MAB21L4: variants seen among roughly 807,000 people sequenced by gnomAD.
MAB21L4 encodes the protein mab-21 like 4.
MAB21L4 carries 25 observed loss-of-function variants against 32.4 expected under a neutral mutation model. That is an observed-to-expected ratio of 0.77 (90% CI 0.56 to 1.08). MAB21L4 has a LOEUF of 1.08. MAB21L4 is among the 50% of genes least tolerant of loss of function. The pLI is 0.00. For missense variants in MAB21L4, 638 were observed against 611.0 expected (o/e 1.04, Z -0.47); for synonymous variants, 280 against 276.8 (o/e 1.01, Z -0.11).
At chr2:240,889,792 C>A (rs1004083974) in intron 3 of MAB21L4, among the ~76,000 whole-genome samples, 1 of 152,222 alleles carries the variant, frequency 6.6e-6, no homozygotes, top group Non-Finnish European at 1.5e-5. Context: ...GGCCAGCCTG[C>A]GGCACCACGG....
chr2:240,891,223 C>A (rs561635823), intron 2 of MAB21L4, among the ~76,000 whole-genome samples: 4 of 152,222 alleles, frequency 2.6e-5, no homozygotes, highest in African/African-American at 9.7e-5. Context: ...GGTTGCCTGA[C>A]CTCTCAGCTA....
intron 4 of MAB21L4, 139 bp from the exon 5 acceptor site, chr2:240,887,301 G>A: frequency 1.5e-6 from 1 of 679,980 alleles, no homozygotes; most frequent in South Asian, 1.8e-5. Flanking sequence ...TATCTGCCTG[G>A]ACAGGCATCC....
intron 1 of MAB21L4, among the ~76,000 whole-genome samples, chr2:240,892,662 C>T (rs867890475): frequency 6.6e-6 from 1 of 152,174 alleles, no homozygotes; most frequent in Non-Finnish European, 1.5e-5. Context: ...CTCACAGTGA[C>T]GGAGCTCAGC....
chr2:240,890,572 G>A (rs1194587032), intron 2 of MAB21L4, among the ~76,000 whole-genome samples: 1 of 152,120 alleles, frequency 6.6e-6, no homozygotes, highest in Non-Finnish European at 1.5e-5. Flanking sequence ...CCCCAGCCCC[G>A]CCTATGCCCA....
At chr2:240,894,495 G>A (rs1033783274) in intron 1 of MAB21L4, among the ~76,000 whole-genome samples, 4 of 152,128 alleles carry the variant, frequency 2.6e-5, no homozygotes, top group African/African-American at 9.7e-5. Flanking sequence ...GACTCACCCT[G>A]GACCATATCA....
intron 1 of MAB21L4, chr2:240,892,066 C>G (rs1185743644): frequency 1.7e-5 from 25 of 1,445,438 alleles, no homozygotes; most frequent in Non-Finnish European, 1.9e-5. Context: ...TGAGGTTTTC[C>G]TTTGCCAGGC....
chr2:240,892,593 G>T (rs2059159631), intron 1 of MAB21L4, among the ~76,000 whole-genome samples: 1 of 151,960 alleles, frequency 6.6e-6, no homozygotes, highest in Non-Finnish European at 1.5e-5. Context: ...GCCCAGGCCA[G>T]CAGGCTCACA....
chr2:240,888,660 C>T lies in MAB21L4; in HGVS notation c.895-12G>A. 5 of 1,523,138 alleles carry T rather than the reference C, an allele frequency of 3.3e-6. No homozygotes were observed. The highest frequency in any genetic ancestry group is 3.5e-6 in the Non-Finnish European group (4 of 1,134,234). 94.4% of individuals were successfully genotyped at this position (1,523,138 alleles called of 1,614,324 possible). A position where few individuals can be genotyped will look rare whatever the true frequency, so the allele number is the denominator to read the frequency against. ...CACAGCAGCACCATCTGCAGGACAG[C>T]AGGGTCAGCCCTGGCCTCCTGGCCC... On this transcript the variant is annotated splice_polypyrimidine_tract_variant and intron_variant, in intron 3 of 4. Coordinates refer to ENST00000388934, the MANE Select transcript of MAB21L4 (RefSeq NM_001085437.3).
chr2:240,891,233 A>G (rs1448450018), intron 2 of MAB21L4, among the ~76,000 whole-genome samples: 1 of 152,114 alleles, frequency 6.6e-6, no homozygotes. Context: ...CCTCTCAGCT[A>G]TTTTCCTGCC....
At chr2:240,888,264 G>A (rs2059112766) in intron 4 of MAB21L4, 28 bp downstream of exon 4, 2 of 1,503,844 alleles carry the variant, frequency 1.3e-6, no homozygotes, top group South Asian at 1.3e-5. Flanking sequence ...CCCCGGGCCT[G>A]CCCAAGGCCC....
chr2:240,891,597 G>C lies in MAB21L4; in HGVS notation c.681C>G (p.Ser227Arg). The change falls in exon 2 of 5, where the codon AGC (serine) becomes AGG (arginine). Residue 227 changes from serine to arginine, a missense_variant. Physicochemically the swap from Ser to Arg is moderately radical, Grantham distance 110. Coordinates refer to ENST00000388934, the MANE Select transcript of MAB21L4 (RefSeq NM_001085437.3). ...VQQMPGFPEG[S>R]LRRILSQGVD... is the part of the protein sequence containing the mutation. Reference sequence around the variant, plus strand: ...CCCCTTGGCTGAGGATCCTTCTCAAGCTGCCCTCAGGGAATCCGGGCATCT... The same window carrying C: ...CCCCTTGGCTGAGGATCCTTCTCAACCTGCCCTCAGGGAATCCGGGCATCT... 6.2e-7 allele frequency: 1 copy of C among 1,610,286 alleles called. No homozygotes were observed. The highest frequency in any genetic ancestry group is 1.3e-5 in the African/African-American group (1 of 75,040).
upstream of MAB21L4, among the ~76,000 whole-genome samples, chr2:240,896,513 G>T (rs924962648): frequency 6.6e-6 from 1 of 152,042 alleles, no homozygotes; most frequent in East Asian, 1.9e-4. Context: ...GGAACACAAG[G>T]CACCCCGTGG....
At chr2:240,895,190 G>A (rs6749803) in intron 1 of MAB21L4, among the ~76,000 whole-genome samples, 82,132 of 152,082 alleles carry the variant, frequency 0.54, 23,335 homozygotes, top group African/African-American at 0.73. Context: ...TGGAACCCCC[G>A]TGCAAACACA....
intron 2 of MAB21L4, among the ~76,000 whole-genome samples, chr2:240,890,853 G>A (rs567927259): frequency 1.1e-4 from 16 of 152,332 alleles, no homozygotes; most frequent in Admixed American, 2.0e-4. Flanking sequence ...CTTGGACGCC[G>A]CCCCTGCCTC....
Position 240,887,170 on chromosome 2 carries a change from C to T in MAB21L4, c.1252-8G>A. 4.3e-6 allele frequency: 7 copies of T among 1,611,424 alleles called. No homozygotes were observed. Among genetic ancestry groups the T allele is most frequent in the Non-Finnish European group, 4.2e-6 (5 of 1,177,572 alleles). The stretch of plus-strand genomic sequence containing the variant: ...GATGTTGAAGACCTGGAACTACAGG[C>T]AGGGTTGCAGGGGAGAAGGGTTACA... On this transcript the variant is annotated splice_region_variant and splice_polypyrimidine_tract_variant and intron_variant, in intron 4 of 4. Transcript: ENST00000388934.
chr2:240,891,460 G>A, intron 2 of MAB21L4, 78 bp downstream of exon 2: 4 of 1,335,160 alleles, frequency 3.0e-6, no homozygotes, highest in African/African-American at 2.9e-5. Flanking sequence ...CCTCCTGGCT[G>A]GGGCCAGGGG....
At chr2:240,891,247 A>G (rs2059146442) in intron 2 of MAB21L4, among the ~76,000 whole-genome samples, 1 of 152,184 alleles carries the variant, frequency 6.6e-6, no homozygotes, top group Non-Finnish European at 1.5e-5. Context: ...TCCTGCCCCA[A>G]GCAAAAGCTG....
chr2:240,887,254 G>A, intron 4 of MAB21L4, 92 bp from the exon 5 acceptor site: 1 of 1,086,814 alleles, frequency 9.2e-7, no homozygotes. Flanking sequence ...GGAACAACTG[G>A]CCCTCCCTGG....
chr2:240,888,890 T>TGA (rs2059120762), intron 3 of MAB21L4, among the ~76,000 whole-genome samples: 5 of 146,408 alleles, frequency 3.4e-5, no homozygotes, highest in Admixed American at 6.9e-5. Flanking sequence ...GCTCTGGCCC[T>TGA]CGCACCCCAC....
Sources: gnomAD v4.1 joint callset for allele counts (sites outside exome capture counted in the v4.1 genomes callset) on GRCh38, gnomAD v4.1.1 for gene constraint, MANE v1.5 for transcripts, NCBI Gene and HGNC (gene_info 2026-07-23, HGNC 2026-07-21) for gene names.